The following OCA2 variants were observed in gnomAD, a reference collection of about 807,000 sequenced individuals.
The protein encoded by OCA2 is P protein.
OCA2 carries 77 observed loss-of-function variants against 100.2 expected under a neutral mutation model. That is an observed-to-expected ratio of 0.77 (90% CI 0.64 to 0.93). The LOEUF (loss-of-function observed/expected upper bound fraction) is 0.93, where lower values mean the gene tolerates loss of function less well. Ranked by LOEUF, OCA2 falls within the 40% of genes least tolerant of loss-of-function variation. OCA2 has a pLI of 0.00. For synonymous variants in OCA2, 432 were observed against 439.2 expected (o/e 0.98, Z 0.21); for missense variants, 1,062 against 1,089.1 (o/e 0.98, Z 0.35).
the OCA2 span, among the ~76,000 whole-genome samples, chr15:27,739,929 G>A: frequency 1.3e-5 from 2 of 152,182 alleles, no homozygotes; most frequent in Admixed American, 6.5e-5. Flanking sequence ...AGCAGAGGAC[G>A]TGACTCAGGG....
intron 21 of OCA2, among the ~76,000 whole-genome samples, chr15:27,854,791 T>C (rs1454427898): frequency 2.0e-5 from 3 of 152,176 alleles, no homozygotes; most frequent in Non-Finnish European, 2.9e-5. Context: ...CTGAGCACCA[T>C]GCTGTTGGTG....
At chr15:27,940,801 T>C (rs1339792137) in intron 18 of OCA2, among the ~76,000 whole-genome samples, 1 of 152,230 alleles carries the variant, frequency 6.6e-6, no homozygotes, top group Non-Finnish European at 1.5e-5. Flanking sequence ...TTTCCACAAA[T>C]GCACATCATA....
the OCA2 span, among the ~76,000 whole-genome samples, chr15:27,722,658 C>CTT: frequency 4.7e-5 from 4 of 85,702 alleles, no homozygotes; most frequent in Non-Finnish European, 1.0e-4. Context: ...TCTTTTCTCT[C>CTT]TTTCTTTCCT....
chr15:28,066,496 A>G (rs1457862621), intron 2 of OCA2, among the ~76,000 whole-genome samples: 1 of 152,178 alleles, frequency 6.6e-6, no homozygotes, highest in Non-Finnish European at 1.5e-5. Flanking sequence ...AACATTTAAA[A>G]CAGAGACATT....
chr15:27,964,995 C>A (rs954072800), intron 15 of OCA2, among the ~76,000 whole-genome samples: 4 of 152,092 alleles, frequency 2.6e-5, no homozygotes, highest in Admixed American at 6.6e-5. Flanking sequence ...TCTGTGTATC[C>A]CAAATTCATC....
chr15:28,020,161 C>G lies in OCA2; in HGVS notation c.647-1604G>C, dbSNP rs545209718. Among the ~76,000 whole-genome samples the G allele has an allele frequency of 1.5e-3, 230 of 152,242 alleles. 1 individual carries two copies. Among genetic ancestry groups the G allele is most frequent in the African/African-American group, 5.3e-3 (219 of 41,548 alleles). On this transcript the variant is annotated intron_variant, in intron 6 of 23. Transcript: ENST00000354638. ...CCCCCTGCCAAGAAAGGCAGGCTGC[C>G]CTGCCCCCTGCTGGGAGGGACTCAG...
chr15:27,968,522 A>G, intron 14 of OCA2, among the ~76,000 whole-genome samples: 1 of 152,238 alleles, frequency 6.6e-6, no homozygotes, highest in East Asian at 1.9e-4. Context: ...TTTAAACTAT[A>G]TTAATTGTTC....
At position 28,085,388 on chromosome 15, in the gene OCA2, G is replaced by C. The variant is rs530330356; in HGVS notation, c.-21-3493C>G. Among the ~76,000 whole-genome samples, 8 of 152,262 alleles carry C rather than the reference G, an allele frequency of 5.3e-5. 1 individual carries two copies. The highest frequency in any genetic ancestry group is 4.6e-4 in the Admixed American group (7 of 15,308). On this transcript the variant is annotated intron_variant, in intron 1 of 23. Coordinates refer to ENST00000354638, the MANE Select transcript of OCA2 (RefSeq NM_000275.3). The stretch of plus-strand genomic sequence containing the variant: ...TAGAAGGAGCTGGAGCCCCAGAAGA[G>C]ATGCCCCAAAGAAGAGTGGGGCATC...
intron 1 of OCA2, among the ~76,000 whole-genome samples, chr15:28,082,139 CTG>C (rs2044656062): frequency 1.3e-5 from 2 of 152,308 alleles, no homozygotes; most frequent in South Asian, 4.1e-4. Flanking sequence ...AATCAGCACT[CTG>C]TGTCTAGCTA....
chr15:27,733,559 C>T, the OCA2 span, among the ~76,000 whole-genome samples: 1 of 152,184 alleles, frequency 6.6e-6, no homozygotes, highest in African/African-American at 2.4e-5. Flanking sequence ...CCACTCCAGG[C>T]CCTCCCAGCA....
rs942522181 is a variant in OCA2 at position 28,032,248 on chromosome 15, G to A, written c.228-85C>T. The A allele has an allele frequency of 9.6e-6, 10 of 1,036,874 alleles. No homozygotes were observed. In the African/African-American group the frequency reaches 1.6e-4, roughly 16 times the overall value. 64.2% of individuals were successfully genotyped at this position (1,036,874 alleles called of 1,614,324 possible). A position where few individuals can be genotyped will look rare whatever the true frequency, so the allele number is the denominator to read the frequency against. On this transcript the variant is annotated intron_variant, in intron 2 of 23. Transcript: ENST00000354638. ...GCACTCAGGTGCTAGATTCAAGAAT[G>A]TGCCCAAGATTCAGTGATAAATCTT...
At chr15:27,761,014 G>T (rs2030788622) in intron 23 of OCA2, among the ~76,000 whole-genome samples, 1 of 151,784 alleles carries the variant, frequency 6.6e-6, no homozygotes, top group East Asian at 1.9e-4. Context: ...ACTTAATAAG[G>T]AGAAACTGAA....
chr15:27,891,701 G>A (rs920112684), intron 19 of OCA2, among the ~76,000 whole-genome samples: 1 of 152,180 alleles, frequency 6.6e-6, no homozygotes, highest in African/African-American at 2.4e-5. Context: ...TTTACCTGTA[G>A]TTGGTTGAAC....
At chr15:27,871,349 G>C in intron 20 of OCA2, 91 bp from the exon 21 acceptor site, 1 of 919,334 alleles carries the variant, frequency 1.1e-6, no homozygotes, top group Non-Finnish European at 1.8e-6. Context: ...GCCCGAGGGT[G>C]TTAGTCCTTC....
intron 21 of OCA2, among the ~76,000 whole-genome samples, chr15:27,870,785 AG>A (rs1843710987): frequency 1.1e-5 from 1 of 89,574 alleles, no homozygotes; most frequent in African/African-American, 5.0e-5. Context: ...AAAGAAAGAA[AG>A]AAAAAGAAAG....
chr15:27,826,787 C>T (rs4547287), intron 23 of OCA2, among the ~76,000 whole-genome samples: 21,747 of 152,276 alleles, frequency 0.14, 2,319 homozygotes, highest in East Asian at 0.54. Context: ...CTGCATGATG[C>T]CTGAGGCACA....
chr15:27,892,799 T>C (rs1338431720), intron 19 of OCA2, among the ~76,000 whole-genome samples: 3 of 152,048 alleles, frequency 2.0e-5, no homozygotes, highest in Non-Finnish European at 2.9e-5. Flanking sequence ...ATCAGTTAAA[T>C]TGACAAACTT....
chr15:27,819,472 G>A (rs1224276686), intron 23 of OCA2, among the ~76,000 whole-genome samples: 3 of 152,218 alleles, frequency 2.0e-5, no homozygotes, highest in African/African-American at 7.2e-5. Flanking sequence ...TACTGTGGAC[G>A]CTGAAGGCAT....
At chr15:27,889,431 T>C (rs916029313) in intron 19 of OCA2, among the ~76,000 whole-genome samples, 3 of 152,138 alleles carry the variant, frequency 2.0e-5, no homozygotes, top group Non-Finnish European at 4.4e-5. Flanking sequence ...TGTCTGGACA[T>C]GAAGAAAGGC....
Sources: allele counts gnomAD v4.1 joint callset (sites outside exome capture counted in the v4.1 genomes callset), GRCh38; gene constraint gnomAD v4.1.1; transcripts MANE v1.5; gene names NCBI Gene and HGNC (gene_info 2026-07-23, HGNC 2026-07-21).